Variants in TEX36 observed in about 807,000 individuals in gnomAD.
TEX36 encodes the protein testis-expressed protein 36.
TEX36 carries 12 observed loss-of-function variants against 13.6 expected under a neutral mutation model. The observed-to-expected ratio is 0.88, with a 90% CI of 0.56 to 1.43. TEX36 has a LOEUF of 1.43. TEX36 is among the 40% of genes most tolerant of loss of function. TEX36 has a pLI of 0.00. For missense variants in TEX36, 224 were observed against 228.3 expected, an observed-to-expected ratio of 0.98 and a Z score of 0.12; for synonymous variants, 93 against 83.0, an observed-to-expected ratio of 1.12 and a Z score of -0.65.
chr10:125,644,673 TCA>T (rs1846740639), intron 3 of TEX36, among the ~76,000 whole-genome samples: 1 of 152,258 alleles, frequency 6.6e-6, no homozygotes, highest in Non-Finnish European at 1.5e-5. Context: ...TCAATGAATC[TCA>T]CTCTTGTATA....
chr10:125,618,999 G>T (rs975687398), downstream of TEX36, among the ~76,000 whole-genome samples: 1 of 149,012 alleles, frequency 6.7e-6, no homozygotes, highest in Non-Finnish European at 1.5e-5. Context: ...GAGTGGTGTC[G>T]GGTGCCTGTA....
chr10:125,634,028 A>AG (rs1224594753), intron 3 of TEX36, among the ~76,000 whole-genome samples: 1 of 152,092 alleles, frequency 6.6e-6, no homozygotes, highest in Non-Finnish European at 1.5e-5. Flanking sequence ...ACAAAAAAAA[A>AG]CTTACTTTTT....
chr10:125,641,254 T>C (rs1446945465), intron 3 of TEX36, among the ~76,000 whole-genome samples: 1 of 152,160 alleles, frequency 6.6e-6, no homozygotes, highest in African/African-American at 2.4e-5. Context: ...CAAGATACTC[T>C]AACAAAAAGA....
chr10:125,631,745 C>T (rs921950855), intron 3 of TEX36, among the ~76,000 whole-genome samples: 6 of 152,120 alleles, frequency 3.9e-5, no homozygotes, highest in African/African-American at 7.2e-5. Context: ...GCGATGTCAA[C>T]GCGTGCTATA....
Position 125,682,963 on chromosome 10 carries a change from T to C in TEX36, c.27A>G (p.Pro9=). The C allele has an allele frequency of 6.4e-7, 1 of 1,551,706 alleles. No homozygotes were observed. The highest frequency in any genetic ancestry group is 8.7e-7 in the Non-Finnish European group (1 of 1,146,990). MTKGRRFN[P]PSDKDGRWFP... ...CCCATCTCCCATCCTTGTCTGAAGG[T>C]GGGTTGAAGCGTCGCCCTTTGGTCA... The change falls in exon 1 of 4, where the codon CCA becomes CCG. Residue 9 remains proline, a synonymous_variant. Coordinates refer to ENST00000368821, the MANE Select transcript of TEX36 (RefSeq NM_001128202.3).
At chr10:125,619,065 G>A (rs1011090530), downstream of TEX36, among the ~76,000 whole-genome samples, 1 of 151,470 alleles carries the variant, frequency 6.6e-6, no homozygotes, top group African/African-American at 2.4e-5. Context: ...GGGAGGTGGA[G>A]CTTGCAGTGA....
chr10:125,671,806 A>G (rs1035262412), intron 1 of TEX36, among the ~76,000 whole-genome samples: 3 of 151,966 alleles, frequency 2.0e-5, no homozygotes, highest in Admixed American at 1.3e-4. Context: ...CCTCAATTTC[A>G]GAACTGTTAT....
chr10:125,624,183 C>T (rs1846459051), intron 3 of TEX36, among the ~76,000 whole-genome samples: 1 of 152,208 alleles, frequency 6.6e-6, no homozygotes, highest in Non-Finnish European at 1.5e-5. Flanking sequence ...AAGCAAAACA[C>T]ATTCTGGCTG....
rs918191271 is a variant in TEX36 at position 125,615,273 on chromosome 10, T to C, written c.265-38399A>G. On this transcript the variant is annotated intron_variant, in intron 3 of 3. Transcript: ENST00000532135. The stretch of plus-strand genomic sequence containing the variant: ...TCTTTTCCTAATTGAATACCCTTTA[T>C]TTCCTTCTCCTGCCTAATTGCCCTG... Among the ~76,000 whole-genome samples, 10 of 152,022 alleles carry C rather than the reference T, an allele frequency of 6.6e-5. 1 individual carries two copies. Among genetic ancestry groups the C allele is most frequent in the African/African-American group, 2.4e-4 (10 of 41,514 alleles).
At chr10:125,668,449 G>A (rs1847163209) in intron 1 of TEX36, among the ~76,000 whole-genome samples, 1 of 151,816 alleles carries the variant, frequency 6.6e-6, no homozygotes, top group African/African-American at 2.4e-5. Context: ...CAGTTTGTCA[G>A]CATATAGTTG....
At chr10:125,681,020 A>G (rs193129517) in intron 1 of TEX36, among the ~76,000 whole-genome samples, 6 of 152,334 alleles carry the variant, frequency 3.9e-5, no homozygotes, top group Admixed American at 3.3e-4. Context: ...CATGTGACAC[A>G]GTGAGATGGA....
downstream of TEX36, among the ~76,000 whole-genome samples, chr10:125,650,822 C>T (rs1846841168): frequency 6.6e-6 from 1 of 152,148 alleles, no homozygotes; most frequent in Non-Finnish European, 1.5e-5. Context: ...GATATCACCA[C>T]CGATCCCACA....
chr10:125,611,315 T>C (rs907650688), intron 3 of TEX36, among the ~76,000 whole-genome samples: 8 of 152,256 alleles, frequency 5.3e-5, no homozygotes, highest in Admixed American at 5.2e-4. Flanking sequence ...TCCAGAAAAA[T>C]TGTACCAATT....
chr10:125,611,152 T>C (rs932265018), intron 3 of TEX36, among the ~76,000 whole-genome samples: 7 of 152,364 alleles, frequency 4.6e-5, no homozygotes, highest in Admixed American at 3.3e-4. Flanking sequence ...TATGTTGTTT[T>C]CAGTTTTACT....
intron 3 of TEX36, among the ~76,000 whole-genome samples, chr10:125,594,899 T>C (rs1034408046): frequency 6.6e-6 from 1 of 152,182 alleles, no homozygotes; most frequent in Non-Finnish European, 1.5e-5. Context: ...AGAACCAACA[T>C]TTGTTTTGTA....
intron 1 of TEX36, among the ~76,000 whole-genome samples, chr10:125,664,708 C>T (rs1385547667): frequency 6.6e-6 from 1 of 152,118 alleles, no homozygotes; most frequent in African/African-American, 2.4e-5. Context: ...TGAGGCCTCC[C>T]CAGCCATACA....
At chr10:125,580,055 A>G (rs1332155401) in intron 3 of TEX36, among the ~76,000 whole-genome samples, 1 of 152,246 alleles carries the variant, frequency 6.6e-6, no homozygotes, top group Non-Finnish European at 1.5e-5. Flanking sequence ...TATTAGTTGA[A>G]TAAAAGAATA....
intron 3 of TEX36, among the ~76,000 whole-genome samples, chr10:125,588,586 G>A (rs1475279303): frequency 8.0e-6 from 1 of 125,362 alleles, no homozygotes; most frequent in East Asian, 2.6e-4. Flanking sequence ...GAGGCCCCAG[G>A]CTCTTGGTTT....
chr10:125,616,038 C>G (rs1024082112), intron 3 of TEX36, among the ~76,000 whole-genome samples: 1 of 152,098 alleles, frequency 6.6e-6, no homozygotes, highest in Non-Finnish European at 1.5e-5. Flanking sequence ...AGGAATTTAT[C>G]CATTTCTTCT....
Sources: gnomAD v4.1 joint callset for allele counts (sites outside exome capture counted in the v4.1 genomes callset) on GRCh38, gnomAD v4.1.1 for gene constraint, MANE v1.5 for transcripts, NCBI Gene and HGNC (gene_info 2026-07-23, HGNC 2026-07-21) for gene names.